Variants in GLCCI1 observed in about 807,000 individuals in gnomAD.
GLCCI1 encodes the protein glucocorticoid induced 1.
A neutral mutation model predicts 52.2 loss-of-function variants in GLCCI1; 24 were observed. That is an observed-to-expected ratio of 0.46 (90% confidence interval 0.33 to 0.65). The LOEUF (loss-of-function observed/expected upper bound fraction) is 0.65, where lower values mean the gene tolerates loss of function less well. GLCCI1 is among the 30% of genes least tolerant of loss of function. GLCCI1 has a pLI of 0.02. For synonymous variants in GLCCI1, 310 were observed against 276.5 expected (o/e 1.12, Z -1.20); for missense variants, 704 against 701.5 (o/e 1.00, Z -0.04).
chr7:8,032,247 G>A (rs757056801), intron 3 of GLCCI1, among the ~76,000 whole-genome samples: 3 of 152,014 alleles, frequency 2.0e-5, no homozygotes, highest in Admixed American at 6.6e-5. Flanking sequence ...TAGAATTTAT[G>A]TATGCAGCTA....
At chr7:8,023,678 A>G in intron 3 of GLCCI1, among the ~76,000 whole-genome samples, 1 of 132,836 alleles carries the variant, frequency 7.5e-6, no homozygotes, top group African/African-American at 2.9e-5. Flanking sequence ...GGCTCACTGC[A>G]GCTTCCACCT....
chr7:8,025,629 C>G (rs1211444789), intron 3 of GLCCI1, among the ~76,000 whole-genome samples: 1 of 152,068 alleles, frequency 6.6e-6, no homozygotes, highest in Non-Finnish European at 1.5e-5. Context: ...AGAGAACTTT[C>G]CAGATTTGAT....
chr7:8,057,838 G>T (rs1215664271), intron 4 of GLCCI1, among the ~76,000 whole-genome samples: 1 of 151,932 alleles, frequency 6.6e-6, no homozygotes, highest in East Asian at 1.9e-4. Flanking sequence ...TTACACAATT[G>T]TTCAAATTTA....
intron 1 of GLCCI1, among the ~76,000 whole-genome samples, chr7:8,002,401 T>G (rs1781067456): frequency 6.6e-6 from 1 of 152,148 alleles, no homozygotes; most frequent in Non-Finnish European, 1.5e-5. Context: ...TTCAGGTAAT[T>G]CCAATGAGTA....
intron 5 of GLCCI1, among the ~76,000 whole-genome samples, chr7:8,063,666 T>A (rs1782567061): frequency 1.3e-5 from 2 of 148,192 alleles, no homozygotes; most frequent in South Asian, 4.4e-4. Flanking sequence ...TTGCCCAGGC[T>A]GGAGTATAGC....
chr7:8,039,701 A>G (rs1452468315), intron 3 of GLCCI1, among the ~76,000 whole-genome samples: 1 of 152,180 alleles, frequency 6.6e-6, no homozygotes, highest in South Asian at 2.1e-4. Context: ...GGTTCCACTA[A>G]AAGCCCAGAC....
chr7:8,024,304 C>A (rs1413229443), intron 3 of GLCCI1, among the ~76,000 whole-genome samples: 3 of 152,168 alleles, frequency 2.0e-5, no homozygotes, highest in Admixed American at 2.0e-4. Context: ...GAGACCTACT[C>A]AGCTCCTTCT....
Position 8,084,958 on chromosome 7 carries a change from C to A in GLCCI1, c.1239C>A (p.Tyr413Ter). Residue 413 changes from tyrosine to a stop codon, truncating the protein, a stop_gained, in exon 7 of 8, where the codon TAC becomes TAA. Coordinates refer to ENST00000223145, the MANE Select transcript of GLCCI1 (RefSeq NM_138426.4). LOFTEE classifies it high-confidence loss of function. ...CATCTCCCAAACCAAACAACAGCTACATGTTCAAACGGGAGCCCCCAGAGG... is the reference window on the plus strand; with the variant it reads ...CATCTCCCAAACCAAACAACAGCTAAATGTTCAAACGGGAGCCCCCAGAGG... The part of the protein sequence containing the change: ...YASSPKPNNS[Y>*]MFKREPPEGC... The A allele has an allele frequency of 6.2e-7, 1 of 1,614,110 alleles. No individual in the cohort carries two copies. The highest frequency in any genetic ancestry group is 8.5e-7 in the Non-Finnish European group (1 of 1,179,978).
chr7:7,984,537 T>C (rs548932019), intron 1 of GLCCI1, among the ~76,000 whole-genome samples: 3 of 152,378 alleles, frequency 2.0e-5, no homozygotes, highest in African/African-American at 7.2e-5. Flanking sequence ...AACTTTAAAC[T>C]GTAAAGCAGA....
chr7:8,022,598 C>A, intron 3 of GLCCI1, 29 bp downstream of exon 3: 1 of 1,461,452 alleles, frequency 6.8e-7, no homozygotes, highest in Non-Finnish European at 9.3e-7. Context: ...CCGTCTGTAA[C>A]CTGTTTTGGT....
chr7:7,981,159 G>C (rs1348188454), intron 1 of GLCCI1: 2 of 426,878 alleles, frequency 4.7e-6, no homozygotes, highest in African/African-American at 2.2e-5. Flanking sequence ...TGAGGATCTG[G>C]ATATAATACT....
intron 1 of GLCCI1, among the ~76,000 whole-genome samples, chr7:8,000,457 A>G (rs1003913066): frequency 6.6e-6 from 1 of 152,204 alleles, no homozygotes; most frequent in Non-Finnish European, 1.5e-5. Context: ...GCAATTAGCA[A>G]GGAACATTCC....
intron 2 of GLCCI1, among the ~76,000 whole-genome samples, chr7:8,004,648 C>G (rs1310045680): frequency 6.6e-6 from 1 of 152,038 alleles, no homozygotes. Context: ...TAACAGTAGT[C>G]AATCAGCATT....
intron 1 of GLCCI1, among the ~76,000 whole-genome samples, chr7:8,000,704 A>G (rs1389057324): frequency 9.3e-6 from 1 of 107,140 alleles, no homozygotes; most frequent in East Asian, 2.7e-4. Context: ...AAAATTTCAA[A>G]AATAATTAAT....
In GLCCI1 at chr7:8,071,247, T is replaced by C. The variant is rs1782755211; in HGVS notation, c.1177+116T>C. ...TGTTCAATGGTGACATTGTCAAAGA[T>C]TGGTTAATCTAGGTTTCTTTGTTCA... On this transcript the variant is annotated intron_variant, in intron 6 of 7. Transcript: ENST00000223145. 7.4e-6 allele frequency: 6 copies of C among 806,794 alleles called. No individual in the cohort carries two copies. The Admixed American group carries it at 1.1e-4, about 15-fold the overall frequency. 50.0% of individuals were successfully genotyped at this position (806,794 alleles called of 1,614,324 possible). A position where few individuals can be genotyped will look rare whatever the true frequency, so the allele number is the denominator to read the frequency against.
At chr7:8,076,162 C>G (rs1188611089) in intron 6 of GLCCI1, among the ~76,000 whole-genome samples, 1 of 152,138 alleles carries the variant, frequency 6.6e-6, no homozygotes, top group Non-Finnish European at 1.5e-5. Flanking sequence ...CTTTAACCCT[C>G]TATTTTTTAG....
chr7:7,976,479 CAAAA>C lies in GLCCI1; in HGVS notation c.457+6688_457+6691del, dbSNP rs35255634. 7.9e-3 allele frequency among the ~76,000 whole-genome samples: 194 copies of C among 24,680 alleles called. 2 individuals are homozygous for C. Among genetic ancestry groups the C allele is most frequent in the African/African-American group, 0.037 (186 of 5,020 alleles). The allele number at this position is 24,680 out of a possible 152,430, so 16.2% of individuals were successfully genotyped here. A position where few individuals can be genotyped will look rare whatever the true frequency, so the allele number is the denominator to read the frequency against. ...GGGCAACAAGAGTGAAACTCCATCTCAAAAAAAAAAAAAAAAAAAGGAAAGGAAA... is the reference window on the plus strand; with the variant it reads ...GGGCAACAAGAGTGAAACTCCATCTCAAAAAAAAAAAAAAAGGAAAGGAAA... On this transcript the variant is annotated intron_variant, in intron 1 of 7. Transcript: ENST00000223145.
chr7:8,076,736 T>G (rs1321302039), intron 6 of GLCCI1, among the ~76,000 whole-genome samples: 1 of 152,224 alleles, frequency 6.6e-6, no homozygotes, highest in Non-Finnish European at 1.5e-5. Flanking sequence ...CTATTTACCA[T>G]GATGTTAGCT....
chr7:7,989,319 C>A (rs1466823919), intron 1 of GLCCI1, among the ~76,000 whole-genome samples: 1 of 152,050 alleles, frequency 6.6e-6, no homozygotes, highest in Non-Finnish European at 1.5e-5. Flanking sequence ...GTCACATTGG[C>A]AAGTATGGTT....
Sources: allele counts gnomAD v4.1 joint callset (sites outside exome capture counted in the v4.1 genomes callset), GRCh38; gene constraint gnomAD v4.1.1; transcripts MANE v1.5; gene names NCBI Gene and HGNC (gene_info 2026-07-23, HGNC 2026-07-21).